CCM2: variants seen among roughly 807,000 people sequenced by gnomAD.
CCM2 encodes CCM2 scaffold protein, also known as cerebral cavernous malformations 2 protein.
In CCM2, 25 loss-of-function variants were observed where a neutral mutation model predicts 44.9. That is an observed-to-expected ratio of 0.56 (90% CI 0.41 to 0.78). The LOEUF (loss-of-function observed/expected upper bound fraction) is 0.78, where lower values mean the gene tolerates loss of function less well. Among genes scored for constraint, CCM2 ranks in the 30% least tolerant of loss-of-function variants. The pLI, the probability that CCM2 is intolerant of heterozygous loss-of-function variation, is 0.00. For synonymous variants in CCM2, 219 were observed against 241.1 expected (o/e 0.91, Z 0.85); for missense variants, 481 against 580.6 (o/e 0.83, Z 1.76).
At chr7:45,026,856 G>A (rs1453628488) in intron 1 of CCM2, among the ~76,000 whole-genome samples, 1 of 152,046 alleles carries the variant, frequency 6.6e-6, no homozygotes, top group Non-Finnish European at 1.5e-5. Context: ...ACCTGCCTCA[G>A]CCTTCTAAAG....
rs150602931 is a variant in CCM2 at position 45,041,850 on chromosome 7, T to C, written c.204+3424T>C. On this transcript the variant is annotated intron_variant, in intron 2 of 9. Coordinates refer to ENST00000258781, the MANE Select transcript of CCM2 (RefSeq NM_031443.4). ...GGCAGTAATGAGGCCCTCCTATTCC[T>C]TCCAACCAGGGAAGAATCAGTGGAA... Among the ~76,000 whole-genome samples, 14 of 152,256 alleles carry C rather than the reference T, an allele frequency of 9.2e-5. No individual in the cohort carries two copies. The East Asian group carries it at 2.5e-3, about 27-fold the overall frequency.
intron 2 of CCM2, among the ~76,000 whole-genome samples, chr7:45,057,712 T>C (rs1798331127): frequency 6.6e-6 from 1 of 152,184 alleles, no homozygotes; most frequent in Non-Finnish European, 1.5e-5. Flanking sequence ...GATGAGCCAG[T>C]ACTTGGATGT....
intron 1 of CCM2, among the ~76,000 whole-genome samples, chr7:45,017,202 G>A (rs143788147): frequency 3.9e-5 from 6 of 152,344 alleles, no homozygotes; most frequent in African/African-American, 1.4e-4. Context: ...GTATCTGACA[G>A]TTATTTTTTC....
intron 1 of CCM2, among the ~76,000 whole-genome samples, chr7:45,017,664 G>T (rs1562863349): frequency 1.3e-5 from 2 of 152,058 alleles, no homozygotes; most frequent in Non-Finnish European, 2.9e-5. Context: ...ATGTAATTTG[G>T]TATTTTATTG....
chr7:45,036,688 T>G (rs1443258847), intron 1 of CCM2, among the ~76,000 whole-genome samples: 4 of 152,190 alleles, frequency 2.6e-5, no homozygotes, highest in African/African-American at 4.8e-5. Flanking sequence ...GAGGTGTCCT[T>G]ATAGGACCAC....
At chr7:45,010,363 T>C (rs1038859206) in intron 1 of CCM2, among the ~76,000 whole-genome samples, 4 of 152,236 alleles carry the variant, frequency 2.6e-5, no homozygotes, top group South Asian at 2.1e-4. Flanking sequence ...AAGGTAGTAC[T>C]GTTCTGATTT....
chr7:45,041,940 G>T (rs925781492), intron 2 of CCM2, among the ~76,000 whole-genome samples: 2 of 152,162 alleles, frequency 1.3e-5, no homozygotes, highest in Non-Finnish European at 2.9e-5. Flanking sequence ...CTCCACGCAG[G>T]AGGCCAAGTA....
Position 45,064,658 on chromosome 7 carries a change from CAG to C in CCM2, c.472+13_472+14del, listed in dbSNP as rs373529608. On this transcript the variant is annotated intron_variant, in intron 4 of 9. Coordinates refer to ENST00000258781, the MANE Select transcript of CCM2 (RefSeq NM_031443.4). ...GGTCCTGAAGACAGGTACAGGAGGT[CAG>C]GGGTCAGGAGGGTCCTTGTCCTAAG... is the stretch of plus-strand genomic sequence containing the variant. 4 of 1,613,386 alleles carry C rather than the reference CAG, an allele frequency of 2.5e-6. No individual in the cohort carries two copies. Among genetic ancestry groups the C allele is most frequent in the African/African-American group, 1.3e-5 (1 of 74,908 alleles).
intron 1 of CCM2, among the ~76,000 whole-genome samples, chr7:45,028,064 C>T (rs1796772142): frequency 1.3e-5 from 2 of 152,272 alleles, no homozygotes; most frequent in African/African-American, 2.4e-5. Flanking sequence ...TCCATCTTGA[C>T]TCAAGGAAGA....
At chr7:45,016,543 T>C (rs553168242) in intron 1 of CCM2, among the ~76,000 whole-genome samples, 1 of 151,682 alleles carries the variant, frequency 6.6e-6, no homozygotes, top group Non-Finnish European at 1.5e-5. Flanking sequence ...TTGGTCAGGC[T>C]GGTCTTGAAC....
At chr7:45,001,369 T>C (rs1008146582) in intron 1 of CCM2, among the ~76,000 whole-genome samples, 1 of 152,272 alleles carries the variant, frequency 6.6e-6, no homozygotes, top group African/African-American at 2.4e-5. Context: ...TGCGGTTATC[T>C]ACAAAGATGT....
intron 1 of CCM2, among the ~76,000 whole-genome samples, chr7:45,000,758 A>C (rs182663667): frequency 6.6e-6 from 1 of 152,252 alleles, no homozygotes. Flanking sequence ...TTGGATATCC[A>C]GTAAAAGCAA....
intron 1 of CCM2, among the ~76,000 whole-genome samples, chr7:45,000,791 A>T (rs1015077445): frequency 2.0e-5 from 3 of 152,298 alleles, no homozygotes; most frequent in East Asian, 1.9e-4. Flanking sequence ...CCTTATGGCC[A>T]GCTCACTCGT....
Position 45,007,911 on chromosome 7 carries a change from A to G in CCM2, c.30+7548A>G, listed in dbSNP as rs199977867. Among the ~76,000 whole-genome samples the G allele has an allele frequency of 7.2e-5, 11 of 152,282 alleles. No homozygotes were observed. The East Asian group carries it at 1.9e-3, about 27-fold the overall frequency. ...TTATTTAAATCTTTATGTCTATTCT[A>G]TAGTTTAAAATTCCATACAGGTTTT... On this transcript the variant is annotated intron_variant, in intron 1 of 9. Coordinates refer to ENST00000258781, the MANE Select transcript of CCM2 (RefSeq NM_031443.4).
chr7:45,043,706 G>T, intron 2 of CCM2: 3 of 391,654 alleles, frequency 7.7e-6, no homozygotes, highest in Admixed American at 3.6e-5. Flanking sequence ...TTTCCTTCTA[G>T]GGCTCCCATT....
At chr7:45,062,583 C>G (rs1234577498) in intron 2 of CCM2, among the ~76,000 whole-genome samples, 1 of 152,152 alleles carries the variant, frequency 6.6e-6, no homozygotes, top group Non-Finnish European at 1.5e-5. Flanking sequence ...ACCTGTAATC[C>G]CAGCACTTTG....
At chr7:45,004,607 C>T (rs73694252) in intron 1 of CCM2, among the ~76,000 whole-genome samples, 1,587 of 152,266 alleles carry the variant, frequency 0.01, 25 homozygotes, top group African/African-American at 0.037. Context: ...TCCATGCTGA[C>T]CTGATGCAGA....
At chr7:45,006,758 C>T (rs1365378086) in intron 1 of CCM2, among the ~76,000 whole-genome samples, 1 of 152,162 alleles carries the variant, frequency 6.6e-6, no homozygotes, top group Non-Finnish European at 1.5e-5. Context: ...GAGGAATGAT[C>T]ATTGGAGGAC....
Position 45,073,808 on chromosome 7 carries a change from G to A in CCM2, c.915+237G>A, listed in dbSNP as rs1013176305. 12 of 578,652 alleles carry A rather than the reference G, an allele frequency of 2.1e-5. No homozygotes were observed. The Admixed American group carries it at 3.1e-4, about 15-fold the overall frequency. The allele number at this position is 578,652 out of a possible 1,614,324, so 35.8% of individuals were successfully genotyped here. A position where few individuals can be genotyped will look rare whatever the true frequency, so the allele number is the denominator to read the frequency against. On this transcript the variant is annotated intron_variant, in intron 8 of 9. Transcript: ENST00000258781. ...TGTGGCCGTCAGGGCTGGACTGTGG[G>A]CCTGTGCTTGGGTCCTGGGGGAGGG... is the stretch of plus-strand genomic sequence containing the variant.
Sources: allele counts gnomAD v4.1 joint callset (sites outside exome capture counted in the v4.1 genomes callset), GRCh38; gene constraint gnomAD v4.1.1; transcripts MANE v1.5; gene names NCBI Gene and HGNC (gene_info 2026-07-23, HGNC 2026-07-21).